PIEZO2: variants seen among roughly 807,000 people sequenced by gnomAD.
PIEZO2 encodes piezo-type mechanosensitive ion channel component 2.
PIEZO2 carries 172 observed loss-of-function variants against 337.3 expected under a neutral mutation model. That is an observed-to-expected ratio of 0.51 (90% CI 0.45 to 0.58). The LOEUF is 0.58. PIEZO2 is among the 20% of genes least tolerant of loss of function. PIEZO2 has a pLI of 0.00. For missense variants in PIEZO2, 3,028 were observed against 3,391.3 expected (o/e 0.89, Z 2.66); for synonymous variants, 1,251 against 1,228.5 (o/e 1.02, Z -0.38).
intron 41 of PIEZO2, among the ~76,000 whole-genome samples, chr18:10,704,973 G>A (rs1236969922): frequency 1.3e-5 from 2 of 152,218 alleles, no homozygotes. Context: ...TTACAGGCAT[G>A]AGCCACTGCG....
intron 47 of PIEZO2, among the ~76,000 whole-genome samples, chr18:10,693,356 T>TTGTGTGTGTGTGTGTGTGTGTGTG (rs1174582024): frequency 1.2e-3 from 112 of 90,026 alleles, no homozygotes; most frequent in Admixed American, 7.0e-3. Context: ...AATCTGGATT[T>TTGTGTGTGTGTGTGTGTGTGTGTG]TGTGTGTGTG....
At chr18:11,046,657 A>C (rs1304445208) in intron 2 of PIEZO2, among the ~76,000 whole-genome samples, 1 of 152,164 alleles carries the variant, frequency 6.6e-6, no homozygotes. Context: ...GGCTCCCTCC[A>C]TCTCTTGTTC....
chr18:11,027,028 A>C lies in PIEZO2; in HGVS notation c.160+39099T>G, dbSNP rs1448224198. 6.6e-6 allele frequency among the ~76,000 whole-genome samples: 1 copy of C among 152,252 alleles called. No individual in the cohort carries two copies. Among genetic ancestry groups the C allele is most frequent in the Admixed American group, 6.5e-5 (1 of 15,290 alleles). On this transcript the variant is annotated intron_variant, in intron 2 of 55. Transcript: ENST00000674853. This position sits in a 1 kb window ranked among gnomAD's most constrained non-coding sequence, Gnocchi z 4.2. ...ATGTGTATGAGACAAGACTCTGCCC[A>C]AAAGTATTTTATAAGCCAATTCATA...
chr18:10,741,535 A>C (rs2037216668), intron 32 of PIEZO2, among the ~76,000 whole-genome samples: 1 of 152,224 alleles, frequency 6.6e-6, no homozygotes, highest in Admixed American at 6.5e-5. Context: ...CATGGCTGGA[A>C]AATATAAATT....
At chr18:10,776,068 A>T (rs116086165) in intron 18 of PIEZO2, among the ~76,000 whole-genome samples, 2,285 of 152,366 alleles carry the variant, frequency 0.015, 40 homozygotes, top group African/African-American at 0.052. Flanking sequence ...GCATGAATAA[A>T]GTATACTGTT....
At chr18:10,749,303 C>T (rs1450593092) in intron 29 of PIEZO2, among the ~76,000 whole-genome samples, 1 of 151,848 alleles carries the variant, frequency 6.6e-6, no homozygotes, top group Non-Finnish European at 1.5e-5. Context: ...AAAAATTAGC[C>T]AGGCATAGTG....
chr18:11,089,856 T>C (rs2039019657), intron 1 of PIEZO2, among the ~76,000 whole-genome samples: 1 of 152,222 alleles, frequency 6.6e-6, no homozygotes, highest in Non-Finnish European at 1.5e-5. Context: ...CTTAGCCCCT[T>C]CCTGCAGCCC....
chr18:11,091,239 C>T (rs901396704), intron 1 of PIEZO2, among the ~76,000 whole-genome samples: 3 of 151,760 alleles, frequency 2.0e-5, no homozygotes, highest in African/African-American at 7.3e-5. Flanking sequence ...CAAAAATTAG[C>T]CGTGCATGGT....
intron 1 of PIEZO2, among the ~76,000 whole-genome samples, chr18:11,068,521 T>C (rs188571334): frequency 3.9e-5 from 6 of 152,142 alleles, no homozygotes; most frequent in Admixed American, 2.0e-4. Context: ...CCAAAACTTA[T>C]GGAATCCAGC....
intron 2 of PIEZO2, among the ~76,000 whole-genome samples, chr18:11,022,887 T>C (rs1487596816): frequency 6.6e-6 from 1 of 152,040 alleles, no homozygotes; most frequent in Non-Finnish European, 1.5e-5. Context: ...TTCCTTCTGA[T>C]GTTCGGATGT....
In PIEZO2 at chr18:11,001,855, G is replaced by A. The variant is rs2035547193; in HGVS notation, c.161-22195C>T. On this transcript the variant is annotated intron_variant, in intron 2 of 55. Coordinates refer to ENST00000674853, the MANE Select transcript of PIEZO2 (RefSeq NM_001378183.1). The surrounding 1 kb of genome is among the most constrained non-coding windows in gnomAD (Gnocchi z 5.3). ...ATTGCACCACTGTACTCCAGCCTGG[G>A]TGATAGAGCGAGATTCAAAAAAGAA... Among the ~76,000 whole-genome samples, 2 of 150,916 alleles carry A rather than the reference G, an allele frequency of 1.3e-5. No homozygotes were observed. The highest frequency in any genetic ancestry group is 4.9e-5 in the African/African-American group (2 of 40,730).
chr18:10,745,262 T>C (rs1166184443), intron 30 of PIEZO2, among the ~76,000 whole-genome samples: 1 of 152,200 alleles, frequency 6.6e-6, no homozygotes, highest in African/African-American at 2.4e-5. Context: ...AAATTCCTGC[T>C]TCTTCCTCTC....
At chr18:10,864,098 C>T (rs2041945878) in intron 5 of PIEZO2, among the ~76,000 whole-genome samples, 1 of 152,216 alleles carries the variant, frequency 6.6e-6, no homozygotes. Flanking sequence ...CAGAAAGATT[C>T]AGAACCCATA....
At chr18:10,924,645 A>T (rs1334250866) in intron 3 of PIEZO2, among the ~76,000 whole-genome samples, 1 of 152,162 alleles carries the variant, frequency 6.6e-6, no homozygotes, top group Non-Finnish European at 1.5e-5. Flanking sequence ...GCCCAACAAA[A>T]ATTTCTCTTT....
Position 11,111,085 on chromosome 18 carries a change from T to C in PIEZO2, c.64+37440A>G, listed in dbSNP as rs540706654. Among the ~76,000 whole-genome samples the C allele has an allele frequency of 1.3e-3, 197 of 152,226 alleles. No homozygotes were observed. Among genetic ancestry groups the C allele is most frequent in the African/African-American group, 4.6e-3 (190 of 41,552 alleles). On this transcript the variant is annotated intron_variant, in intron 1 of 55. Coordinates refer to ENST00000674853, the MANE Select transcript of PIEZO2 (RefSeq NM_001378183.1). The surrounding 1 kb of genome is among the most constrained non-coding windows in gnomAD (Gnocchi z 6.2). ...ACAGACAGGGAGCCTCCCCAAGCAC[T>C]AGGGAGGTGCCTGCCTCAGTGCCTA... is the stretch of plus-strand genomic sequence containing the variant.
chr18:10,720,069 G>A (rs183968167), intron 36 of PIEZO2, among the ~76,000 whole-genome samples: 92 of 150,420 alleles, frequency 6.1e-4, no homozygotes, highest in Non-Finnish European at 1.1e-3. Flanking sequence ...TGAAGTTTGA[G>A]GTAGGTATCT....
intron 1 of PIEZO2, among the ~76,000 whole-genome samples, chr18:11,106,173 G>A (rs1307903659): frequency 5.9e-5 from 9 of 151,824 alleles, no homozygotes; most frequent in South Asian, 2.1e-4. Flanking sequence ...TGCAAGCTCC[G>A]CCTCCCGGGT....
chr18:10,878,966 C>T lies in PIEZO2; in HGVS notation c.330-7551G>A, dbSNP rs555600917. ...TCAGGTGCAGAGGTGAGACTTTAAA[C>T]TGAAAGCCACATGGAGTTTGTGCCT... On this transcript the variant is annotated intron_variant, in intron 4 of 55. Transcript: ENST00000674853. The surrounding 1 kb of genome is among the most constrained non-coding windows in gnomAD (Gnocchi z 4.3). Among the ~76,000 whole-genome samples the T allele has an allele frequency of 6.6e-6, 1 of 152,316 alleles. No homozygotes were observed. The highest frequency in any genetic ancestry group is 2.1e-4 in the South Asian group (1 of 4,824).
At chr18:11,046,395 A>G (rs2037316043) in intron 2 of PIEZO2, among the ~76,000 whole-genome samples, 1 of 152,220 alleles carries the variant, frequency 6.6e-6, no homozygotes, top group South Asian at 2.1e-4. Context: ...TGTATCCTTG[A>G]TCATGGCCTT....
Sources: gnomAD v4.1 joint callset for allele counts (sites outside exome capture counted in the v4.1 genomes callset) on GRCh38, gnomAD v4.1.1 for gene constraint, Gnocchi (gnomAD v3.1) non-coding constraint, MANE v1.5 for transcripts, NCBI Gene and HGNC (gene_info 2026-07-23, HGNC 2026-07-21) for gene names.